Variants in SYNE2 observed in about 807,000 individuals in gnomAD.
SYNE2 encodes the protein nesprin-2.
SYNE2 carries 431 observed loss-of-function variants against 856.3 expected under a neutral mutation model. That is an observed-to-expected ratio of 0.50 (90% confidence interval 0.47 to 0.55). The LOEUF (loss-of-function observed/expected upper bound fraction) is 0.55. Among genes scored for constraint, SYNE2 ranks in the 20% least tolerant of loss-of-function variants. The pLI is 0.00. For missense variants in SYNE2, 8,129 were observed against 8,023.2 expected, an observed-to-expected ratio of 1.01 and a Z score of -0.50; for synonymous variants, 2,923 against 2,872.3, an observed-to-expected ratio of 1.02 and a Z score of -0.56.
intron 88 of SYNE2, chr14:64,162,882 T>C (rs551914495): frequency 1.1e-5 from 2 of 188,422 alleles, no homozygotes; most frequent in Non-Finnish European, 2.2e-5. Flanking sequence ...CAGATAATGC[T>C]CTGTACATCT....
At chr14:63,972,214 C>T (rs2153459701) in intron 11 of SYNE2, among the ~76,000 whole-genome samples, 1 of 152,264 alleles carries the variant, frequency 6.6e-6, no homozygotes, top group Middle Eastern at 3.4e-3. Context: ...TAAGACCTGT[C>T]CGTGACAGGT....
intron 22 of SYNE2, 113 bp from the exon 23 acceptor site, chr14:63,994,931 C>T: frequency 1.4e-6 from 1 of 695,214 alleles, no homozygotes; most frequent in Non-Finnish European, 2.3e-6. Context: ...CAGAATGGCA[C>T]TTAAGCTTTG....
chr14:64,162,586 A>G (rs2098337754), intron 88 of SYNE2: 1 of 412,374 alleles, frequency 2.4e-6, no homozygotes, highest in East Asian at 5.4e-5. Flanking sequence ...AAGTGTCTCA[A>G]CTGAGTGTGA....
intron 64 of SYNE2, among the ~76,000 whole-genome samples, 162 bp from the exon 65 acceptor site, chr14:64,107,329 A>AT (rs1386176513): frequency 6.6e-6 from 1 of 152,154 alleles, no homozygotes; most frequent in African/African-American, 2.4e-5. Flanking sequence ...GGGGAAGCTG[A>AT]TTTTTTCCCT....
chr14:64,180,535 G>T (rs192733427), intron 96 of SYNE2, among the ~76,000 whole-genome samples: 2 of 146,142 alleles, frequency 1.4e-5, no homozygotes, highest in Non-Finnish European at 3.0e-5. Context: ...ATGGAGCTTC[G>T]TTCTTGTCAC....
chr14:64,081,213 T>G (rs2097520950), intron 56 of SYNE2, among the ~76,000 whole-genome samples: 1 of 152,192 alleles, frequency 6.6e-6, no homozygotes, highest in South Asian at 2.1e-4. Flanking sequence ...CTGAGGCCCA[T>G]AACGTTGGAG....
intron 43 of SYNE2, among the ~76,000 whole-genome samples, chr14:64,029,355 C>T (rs1233553788): frequency 6.6e-6 from 1 of 152,084 alleles, no homozygotes; most frequent in Non-Finnish European, 1.5e-5. Flanking sequence ...GCTTTTTGAT[C>T]AGCTGTGGTC....
intron 2 of SYNE2, among the ~76,000 whole-genome samples, chr14:63,920,044 G>C (rs775361095): frequency 4.9e-5 from 7 of 142,020 alleles, no homozygotes; most frequent in Non-Finnish European, 1.1e-4. Flanking sequence ...GGTATAGGTC[G>C]GTTTACTCTG....
At chr14:63,889,987 T>C (rs35009554) in intron 1 of SYNE2, among the ~76,000 whole-genome samples, 8,204 of 152,104 alleles carry the variant, frequency 0.054, 292 homozygotes, top group Admixed American at 0.097. Flanking sequence ...CTGTGTAGTA[T>C]TCCTTCCATC....
chr14:64,029,455 TGATTCTTAAGA>T (rs1271348962), intron 43 of SYNE2, among the ~76,000 whole-genome samples: 1 of 152,246 alleles, frequency 6.6e-6, no homozygotes, highest in African/African-American at 2.4e-5. Flanking sequence ...GTTTGGAGTT[TGATTCTTAAGA>T]CATGAATCTG....
intron 8 of SYNE2, among the ~76,000 whole-genome samples, chr14:63,959,724 C>CT (rs1390337059): frequency 6.6e-6 from 1 of 152,016 alleles, no homozygotes; most frequent in African/African-American, 2.4e-5. Context: ...TTCTCCCTTT[C>CT]TTTGTCTTTT....
At position 64,214,512 on chromosome 14, in the gene SYNE2, G is replaced by A. The variant is rs370611734; in HGVS notation, c.19333+42G>A. The stretch of plus-strand genomic sequence containing the variant: ...CAGCACCCTGGAAAGTGACCCGTTT[G>A]GCTATGTTTTTAGCCCCTTAGCAAC... On this transcript the variant is annotated intron_variant, in intron 106 of 115. Transcript: ENST00000555002. 2.4e-5 allele frequency: 38 copies of A among 1,576,484 alleles called. 2 individuals are homozygous for A. The South Asian group carries it at 4.3e-4, about 18-fold the overall frequency.
At chr14:64,187,030 A>G (rs2098495077) in intron 97 of SYNE2, among the ~76,000 whole-genome samples, 1 of 152,174 alleles carries the variant, frequency 6.6e-6, no homozygotes, top group East Asian at 1.9e-4. Flanking sequence ...ATTCACAGGA[A>G]CCTGATGTTT....
At chr14:64,108,013 CAT>C (rs1012338219) in intron 65 of SYNE2, among the ~76,000 whole-genome samples, 2 of 151,960 alleles carry the variant, frequency 1.3e-5, no homozygotes, top group African/African-American at 2.4e-5. Flanking sequence ...TCATACCTAC[CAT>C]ATGTTTACAA....
chr14:64,036,037 A>G (rs2097086810), intron 45 of SYNE2, among the ~76,000 whole-genome samples: 1 of 152,082 alleles, frequency 6.6e-6, no homozygotes, highest in Non-Finnish European at 1.5e-5. Context: ...AGGATTAAAC[A>G]CATTCAAATA....
At chr14:63,824,404 C>T (rs1035776777) in intron 1 of SYNE2, among the ~76,000 whole-genome samples, 2 of 152,022 alleles carry the variant, frequency 1.3e-5, no homozygotes, top group South Asian at 2.1e-4. Flanking sequence ...TTTGGGAGGC[C>T]GAGGTGGGTG....
At chr14:64,046,696 A>G (rs2097188783) in intron 45 of SYNE2, among the ~76,000 whole-genome samples, 2 of 152,170 alleles carry the variant, frequency 1.3e-5, no homozygotes, top group African/African-American at 4.8e-5. Context: ...CAGCCCCTTC[A>G]CCAGACTCAT....
At chr14:63,858,011 G>A (rs1892321771) in intron 1 of SYNE2, among the ~76,000 whole-genome samples, 1 of 152,062 alleles carries the variant, frequency 6.6e-6, no homozygotes, top group African/African-American at 2.4e-5. Context: ...AAGATTGATG[G>A]GGCGACATCT....
At chr14:63,791,023 T>C (rs935020654) in intron 1 of SYNE2, among the ~76,000 whole-genome samples, 4 of 152,092 alleles carry the variant, frequency 2.6e-5, no homozygotes, top group African/African-American at 9.7e-5. Context: ...AATGGCATTA[T>C]CTGGGCTCAC....
Sources: allele counts gnomAD v4.1 joint callset (sites outside exome capture counted in the v4.1 genomes callset), GRCh38; gene constraint gnomAD v4.1.1; transcripts MANE v1.5; gene names NCBI Gene and HGNC (gene_info 2026-07-23, HGNC 2026-07-21).